The following NRCAM variants were observed in gnomAD, a reference collection of about 807,000 sequenced individuals.
The protein encoded by NRCAM is neuronal cell adhesion molecule.
A neutral mutation model predicts 156.5 loss-of-function variants in NRCAM; 83 were observed. That is an observed-to-expected ratio of 0.53 (90% CI 0.44 to 0.64). NRCAM has a LOEUF of 0.64. Ranked by LOEUF, NRCAM falls within the 30% of genes least tolerant of loss-of-function variation. The probability of loss-of-function intolerance (pLI) is 0.00; values close to 1 mark genes in which losing one functional copy is unlikely to be tolerated. For missense variants in NRCAM, 1,417 were observed against 1,597.3 expected (o/e 0.89, Z 1.92); for synonymous variants, 538 against 563.9 (o/e 0.95, Z 0.65).
chr7:108,367,752 G>A (rs933479403), intron 2 of NRCAM, among the ~76,000 whole-genome samples: 10 of 152,080 alleles, frequency 6.6e-5, no homozygotes, highest in African/African-American at 2.4e-4. Context: ...ATTTTTTTGA[G>A]AAGTTAAGAA....
At chr7:108,385,764 T>C (rs1000280931) in intron 2 of NRCAM, among the ~76,000 whole-genome samples, 4 of 152,050 alleles carry the variant, frequency 2.6e-5, no homozygotes, top group Non-Finnish European at 5.9e-5. Context: ...AGGAATGAAA[T>C]TGCGTATTTG....
chr7:108,265,378 G>T (rs2097061967), intron 3 of NRCAM, among the ~76,000 whole-genome samples: 1 of 152,168 alleles, frequency 6.6e-6, no homozygotes, highest in South Asian at 2.1e-4. Context: ...ATGTCCCTCT[G>T]TGAGACATAG....
chr7:108,455,866 G>A (rs1856717857), intron 1 of NRCAM, among the ~76,000 whole-genome samples: 1 of 152,182 alleles, frequency 6.6e-6, no homozygotes, highest in Non-Finnish European at 1.5e-5. Context: ...GGCTCTCCAT[G>A]CCCAACTGCC....
At chr7:108,168,062 C>A (rs1032726538) in intron 29 of NRCAM, among the ~76,000 whole-genome samples, 2 of 152,110 alleles carry the variant, frequency 1.3e-5, no homozygotes. Context: ...GGAACATATG[C>A]CCTCTGTTAT....
At chr7:108,450,669 G>A (rs1055442411) in intron 1 of NRCAM, among the ~76,000 whole-genome samples, 4 of 152,134 alleles carry the variant, frequency 2.6e-5, no homozygotes, top group Non-Finnish European at 5.9e-5. Flanking sequence ...TAGCACAAGT[G>A]TATTACAGAC....
chr7:108,263,941 T>C (rs541293809), intron 3 of NRCAM, among the ~76,000 whole-genome samples: 5 of 152,370 alleles, frequency 3.3e-5, no homozygotes, highest in African/African-American at 1.2e-4. Flanking sequence ...ATATTACTAC[T>C]ATGTTTAATA....
intron 19 of NRCAM, 49 bp downstream of exon 19, chr7:108,191,205 G>A (rs781402152): frequency 1.3e-6 from 2 of 1,487,224 alleles, no homozygotes; most frequent in Non-Finnish European, 1.8e-6. Context: ...TTCTGCAAAT[G>A]TGAAATTGTT....
chr7:108,154,782 A>G (rs182938438), intron 32 of NRCAM, among the ~76,000 whole-genome samples: 1 of 152,114 alleles, frequency 6.6e-6, no homozygotes, highest in African/African-American at 2.4e-5. Flanking sequence ...ACAAGCATAC[A>G]TGTCCATCTC....
chr7:108,332,456 C>T (rs1007749615), intron 2 of NRCAM, among the ~76,000 whole-genome samples: 6 of 152,152 alleles, frequency 3.9e-5, no homozygotes, highest in South Asian at 2.1e-4. Flanking sequence ...CATTAATTCT[C>T]GGCTCACTGC....
chr7:108,418,475 C>T (rs916564451), intron 1 of NRCAM, among the ~76,000 whole-genome samples: 5 of 151,964 alleles, frequency 3.3e-5, no homozygotes, highest in Non-Finnish European at 7.4e-5. Flanking sequence ...AAGTGGTCAG[C>T]ACCACAGCCT....
At chr7:108,370,693 G>T (rs1049918951) in intron 2 of NRCAM, among the ~76,000 whole-genome samples, 1 of 151,810 alleles carries the variant, frequency 6.6e-6, no homozygotes, top group African/African-American at 2.4e-5. Flanking sequence ...AAGTAGACTG[G>T]GTAAACATTT....
chr7:108,441,200 A>C (rs1026210148), intron 1 of NRCAM, among the ~76,000 whole-genome samples: 1 of 152,224 alleles, frequency 6.6e-6, no homozygotes, highest in African/African-American at 2.4e-5. Context: ...GTGAAAAATA[A>C]ATTTTTTTCC....
chr7:108,187,110 G>C (rs1246688032), intron 20 of NRCAM, among the ~76,000 whole-genome samples: 1 of 152,102 alleles, frequency 6.6e-6, no homozygotes, highest in Non-Finnish European at 1.5e-5. Context: ...GGGAACCATG[G>C]TCTTACCCAG....
At position 108,207,639 on chromosome 7, in the gene NRCAM, C is replaced by T; in HGVS notation, c.1096G>A (p.Ala366Thr). ...GGGGACAGCACAAGATTTTGAGGGGCTGTGATCCAGTATGGAGCCGCTTTA... is the reference window on the plus strand; with the variant it reads ...GGGGACAGCACAAGATTTTGAGGGGTTGTGATCCAGTATGGAGCCGCTTTA... ...RVKAAPYWIT[A>T]PQNLVLSPGE... Residue 366 changes from alanine (A) to threonine (T), a missense_variant, in exon 13 of 33, where the codon GCC becomes ACC. Around this residue, in one of 2 missense-constraint regions of NRCAM, gnomAD observed 1,238 missense variants for 1,336.4 expected, o/e 0.93. Transcript: ENST00000379028. 1 of 1,613,366 alleles carries T rather than the reference C, an allele frequency of 6.2e-7. No individual in the cohort carries two copies. The highest frequency in any genetic ancestry group is 2.2e-5 in the East Asian group (1 of 44,850).
At chr7:108,397,791 T>C (rs1049353730) in intron 2 of NRCAM, among the ~76,000 whole-genome samples, 1 of 152,196 alleles carries the variant, frequency 6.6e-6, no homozygotes, top group Non-Finnish European at 1.5e-5. Flanking sequence ...TGTCCTTAAC[T>C]TCAGGGTTCA....
At chr7:108,314,663 AAAAAT>A (rs1182160464) in intron 2 of NRCAM, among the ~76,000 whole-genome samples, 6 of 152,330 alleles carry the variant, frequency 3.9e-5, no homozygotes, top group African/African-American at 1.2e-4. Context: ...CCACTTATGG[AAAAAT>A]AAAATAATAA....
chr7:108,270,510 C>CT (rs947647339), intron 3 of NRCAM, among the ~76,000 whole-genome samples: 82 of 149,186 alleles, frequency 5.5e-4, no homozygotes, highest in African/African-American at 1.2e-3. Context: ...TAGTAACAGA[C>CT]TTTTTTTTTT....
chr7:108,238,413 A>G (rs2095281955), intron 4 of NRCAM, among the ~76,000 whole-genome samples: 1 of 152,194 alleles, frequency 6.6e-6, no homozygotes, highest in African/African-American at 2.4e-5. Context: ...GATGTAAGAA[A>G]TAGGGGCAGG....
intron 11 of NRCAM, among the ~76,000 whole-genome samples, chr7:108,216,102 C>T (rs2088584944): frequency 6.6e-6 from 1 of 152,104 alleles, no homozygotes; most frequent in African/African-American, 2.4e-5. Flanking sequence ...GTAAGGCAGG[C>T]CTGGTGGTGA....
Sources: gnomAD v4.1 joint callset for allele counts (sites outside exome capture counted in the v4.1 genomes callset) on GRCh38, gnomAD v4.1.1 for gene constraint, gnomAD v4.1.1 regional missense constraint, MANE v1.5 for transcripts, NCBI Gene and HGNC (gene_info 2026-07-23, HGNC 2026-07-21) for gene names.